The following SDCCAG8 variants were observed in gnomAD, a reference collection of about 807,000 sequenced individuals.
SDCCAG8 encodes serologically defined colon cancer antigen 8.
SDCCAG8 carries 74 observed loss-of-function variants against 101.8 expected under a neutral mutation model. The ratio of observed to expected loss-of-function variants is 0.73; its 90% CI spans 0.60 to 0.88. The LOEUF (loss-of-function observed/expected upper bound fraction) is 0.88. Ranked by LOEUF, SDCCAG8 falls within the 40% of genes least tolerant of loss-of-function variation. The pLI is 0.00. For missense variants in SDCCAG8, 787 were observed against 822.6 expected (o/e 0.96, Z 0.53); for synonymous variants, 281 against 292.9 (o/e 0.96, Z 0.41).
intron 13 of SDCCAG8, among the ~76,000 whole-genome samples, chr1:243,413,125 G>C (rs1411258353): frequency 1.3e-5 from 2 of 152,220 alleles, no homozygotes; most frequent in Admixed American, 1.3e-4. Flanking sequence ...TTTGTTGGTA[G>C]AAGTCTTTTA....
chr1:243,442,481 ACAAGGAAGCGTCC>A (rs1216319229), intron 16 of SDCCAG8, among the ~76,000 whole-genome samples: 2 of 152,118 alleles, frequency 1.3e-5, no homozygotes, highest in African/African-American at 2.4e-5. Context: ...CTTCCCAAAG[ACAAGGAAGCGTCC>A]CATTCAAGTG....
intron 12 of SDCCAG8, among the ~76,000 whole-genome samples, chr1:243,366,382 CTGTAATTAGTAGTGGGCAATG>C (rs1217106676): frequency 6.6e-6 from 1 of 151,806 alleles, no homozygotes; most frequent in Non-Finnish European, 1.5e-5. Context: ...AGCTACACCA[CTGTAATTAGTAGTGGGCAATG>C]TGACCAAGTT....
At chr1:243,361,891 G>A (rs1437186904) in intron 12 of SDCCAG8, among the ~76,000 whole-genome samples, 1 of 152,186 alleles carries the variant, frequency 6.6e-6, no homozygotes, top group Non-Finnish European at 1.5e-5. Context: ...CCATTAAAAT[G>A]TAGGTTGTTT....
In SDCCAG8 at chr1:243,271,025, G is replaced by A; in HGVS notation, c.268G>A (p.Glu90Lys). The stretch of plus-strand genomic sequence containing the variant: ...GCGCCAACAAGCAGATAAGGAAAGT[G>A]AAGTATCTCCGTCAAGAAGAAGAAA... ...LLRQQADKES[E>K]VSPSRRRKMS... Residue 90 changes from glutamate (E) to lysine (K), a missense_variant, in exon 3 of 18, where the codon GAA becomes AAA. Physicochemically the swap from Glu to Lys is moderately conservative, Grantham distance 56 (BLOSUM62 1). Transcript: ENST00000366541. 1 of 1,613,592 alleles carries A rather than the reference G, an allele frequency of 6.2e-7. No individual in the cohort carries two copies. The highest frequency in any genetic ancestry group is 8.5e-7 in the Non-Finnish European group (1 of 1,179,656).
intron 4 of SDCCAG8, among the ~76,000 whole-genome samples, chr1:243,277,936 G>A (rs1442973507): frequency 6.6e-6 from 1 of 152,104 alleles, no homozygotes; most frequent in Non-Finnish European, 1.5e-5. Flanking sequence ...GGTAATATCA[G>A]TACTCTAATT....
At chr1:243,321,815 A>C (rs1267577016) in intron 9 of SDCCAG8, among the ~76,000 whole-genome samples, 1 of 152,060 alleles carries the variant, frequency 6.6e-6, no homozygotes, top group Non-Finnish European at 1.5e-5. Context: ...CGCCTGGCTA[A>C]TTTTTGTGTT....
At chr1:243,313,784 C>A (rs755095009) in intron 8 of SDCCAG8, among the ~76,000 whole-genome samples, 6 of 152,130 alleles carry the variant, frequency 3.9e-5, no homozygotes, top group Non-Finnish European at 8.8e-5. Context: ...CTGGGCTGGA[C>A]CTGTGGATTG....
At chr1:243,307,535 A>T in intron 7 of SDCCAG8, 2 of 983,436 alleles carry the variant, frequency 2.0e-6, no homozygotes, top group African/African-American at 1.7e-5. Context: ...CTTTTAAGAC[A>T]CTCTAAAAAT....
intron 5 of SDCCAG8, among the ~76,000 whole-genome samples, chr1:243,291,958 C>CA (rs1325225920): frequency 6.6e-6 from 1 of 152,138 alleles, no homozygotes; most frequent in African/African-American, 2.4e-5. Flanking sequence ...TAATGGCTCA[C>CA]AAAATTCAGG....
At chr1:243,406,095 A>T (rs952226409) in intron 13 of SDCCAG8, among the ~76,000 whole-genome samples, 1 of 152,220 alleles carries the variant, frequency 6.6e-6, no homozygotes, top group African/African-American at 2.4e-5. Flanking sequence ...TTGTAGATCA[A>T]GTGATATTTT....
chr1:243,392,081 A>C (rs1199456605), intron 13 of SDCCAG8, among the ~76,000 whole-genome samples: 1 of 152,226 alleles, frequency 6.6e-6, no homozygotes, highest in African/African-American at 2.4e-5. Flanking sequence ...GATTTCCTAC[A>C]GACCTTAACT....
rs554100170 is a variant in SDCCAG8, at chr1:243,391,080, C to T, written c.1616+12217C>T. ...TTTCAAGTAGCTGGGATGACATGTG[C>T]GTGCCACTGTGCCCGCCTTTGATAT... is the stretch of plus-strand genomic sequence containing the variant. On this transcript the variant is annotated intron_variant, in intron 13 of 17. Coordinates refer to ENST00000366541, the MANE Select transcript of SDCCAG8 (RefSeq NM_006642.5). Among the ~76,000 whole-genome samples the T allele has an allele frequency of 1.4e-4, 22 of 152,304 alleles. No individual in the cohort carries two copies. The South Asian group carries it at 2.7e-3, about 19-fold the overall frequency.
chr1:243,423,140 G>GA (rs1164041946), intron 15 of SDCCAG8, among the ~76,000 whole-genome samples: 1 of 151,422 alleles, frequency 6.6e-6, no homozygotes, highest in East Asian at 1.9e-4. Context: ...TATAAACAAA[G>GA]AAAAAAACAA....
intron 12 of SDCCAG8, among the ~76,000 whole-genome samples, 167 bp from the exon 13 acceptor site, chr1:243,378,554 C>T (rs561830243): frequency 1.6e-4 from 24 of 152,250 alleles, no homozygotes; most frequent in African/African-American, 5.8e-4. Context: ...CATTCATGTG[C>T]ATTTTTGGAT....
At chr1:243,462,905 G>T (rs902428897) in intron 16 of SDCCAG8, among the ~76,000 whole-genome samples, 2 of 152,072 alleles carry the variant, frequency 1.3e-5, no homozygotes, top group African/African-American at 2.4e-5. Flanking sequence ...GACAAAAAAA[G>T]TATATGACTG....
chr1:243,436,365 G>A (rs181007605), intron 16 of SDCCAG8, among the ~76,000 whole-genome samples: 11 of 151,970 alleles, frequency 7.2e-5, no homozygotes, highest in African/African-American at 1.9e-4. Flanking sequence ...TTATAGTTTC[G>A]TGTTTTACAG....
At chr1:243,347,612 G>C (rs2075796794) in intron 12 of SDCCAG8, among the ~76,000 whole-genome samples, 1 of 152,204 alleles carries the variant, frequency 6.6e-6, no homozygotes, top group African/African-American at 2.4e-5. Flanking sequence ...CTACAGCAAA[G>C]TATGTGAAGG....
At chr1:243,318,127 G>A in intron 9 of SDCCAG8, 1 of 455,094 alleles carries the variant, frequency 2.2e-6, no homozygotes, top group East Asian at 7.0e-5. Flanking sequence ...CTGACAGATT[G>A]TATAAAGAAA....
chr1:243,291,547 G>A (rs1185166809), intron 5 of SDCCAG8, among the ~76,000 whole-genome samples: 1 of 152,122 alleles, frequency 6.6e-6, no homozygotes, highest in African/African-American at 2.4e-5. Flanking sequence ...CAGGCTGCAT[G>A]TCAACTCTGT....
Sources: allele counts gnomAD v4.1 joint callset (sites outside exome capture counted in the v4.1 genomes callset), GRCh38; gene constraint gnomAD v4.1.1; transcripts MANE v1.5; gene names NCBI Gene and HGNC (gene_info 2026-07-23, HGNC 2026-07-21).